OR8G1: variants seen among roughly 807,000 people sequenced by gnomAD.
OR8G1 encodes olfactory receptor 8G1.
For synonymous variants in OR8G1, 129 were observed against 133.3 expected, an observed-to-expected ratio of 0.97 and a Z score of 0.22; for missense variants, 372 against 356.2, an observed-to-expected ratio of 1.04 and a Z score of -0.36.
At chr11:124,246,907 T>G (rs936858816) in intron 1 of OR8G1, among the ~76,000 whole-genome samples, 1 of 150,112 alleles carries the variant, frequency 6.7e-6, no homozygotes, top group African/African-American at 2.4e-5. Context: ...TGATAACAAT[T>G]CACTTCTGTA....
chr11:124,243,838 G>T (rs1486017722), intron 1 of OR8G1, among the ~76,000 whole-genome samples: 1 of 151,884 alleles, frequency 6.6e-6, no homozygotes, highest in Non-Finnish European at 1.5e-5. Context: ...ATAAAAGAGC[G>T]AGCTAGAATA....
Position 124,250,262 on chromosome 11 carries a change from A to G in OR8G1, c.587A>G (p.Lys196Arg). 6.2e-7 allele frequency: 1 copy of G among 1,613,676 alleles called. No homozygotes were observed. The highest frequency in any genetic ancestry group is 8.5e-7 in the Non-Finnish European group (1 of 1,179,780). The change falls in exon 3 of 3, where the codon AAA becomes AGA. Residue 196 changes from lysine (K) to arginine (R), a missense_variant. By Grantham distance (26) the Lys-to-Arg change is conservative (BLOSUM62 2). Coordinates refer to ENST00000641972, the MANE Select transcript of OR8G1 (RefSeq NM_001002905.2). The part of the protein sequence containing the change: ...KLSCSSIYVN[K>R]LLILCVGAFN... ...TCTTGCTCTAGTATCTATGTCAACA[A>G]ACTACTTATTCTATGTGTTGGTGCA...
chr11:124,246,649 A>G (rs1424923875), intron 1 of OR8G1, among the ~76,000 whole-genome samples: 1 of 151,824 alleles, frequency 6.6e-6, no homozygotes. Flanking sequence ...AGAAAAATCT[A>G]AACAACATAA....
In OR8G1 at chr11:124,247,834, A is replaced by C. The variant is rs963127608; in HGVS notation, c.-63A>C. On this transcript the variant is annotated 5_prime_UTR_variant, in exon 2 of 3. Transcript: ENST00000641972. Reference sequence around the variant, plus strand: ...TCTTATGAATAAGGCTGTCATGAACATTTTTGTATAAATCTTCATGTAGAC... The same window carrying C: ...TCTTATGAATAAGGCTGTCATGAACCTTTTTGTATAAATCTTCATGTAGAC... 1.3e-5 allele frequency: 2 copies of C among 151,824 alleles called. No individual in the cohort carries two copies. The highest frequency in any genetic ancestry group is 2.9e-5 in the Non-Finnish European group (2 of 67,846). The allele number at this position is 151,824 out of a possible 1,614,324, so 9.4% of individuals were successfully genotyped here. A position where few individuals can be genotyped will look rare whatever the true frequency, so the allele number is the denominator to read the frequency against.
rs1031044004 is a variant in OR8G1, at chr11:124,252,486, GA to G, written c.*1880del. On this transcript the variant is annotated 3_prime_UTR_variant, in exon 3 of 3. Transcript: ENST00000641972. Reference sequence around the variant, plus strand: ...CATATCATCCTTATGTTCTCTTTCAGAAAAACTATCTCTTTTTCTTCTTAGC... The same window carrying G: ...CATATCATCCTTATGTTCTCTTTCAGAAAACTATCTCTTTTTCTTCTTAGC... The G allele has an allele frequency of 6.6e-6, 1 of 152,030 alleles. No homozygotes were observed. Among genetic ancestry groups the G allele is most frequent in the Non-Finnish European group, 1.5e-5 (1 of 68,002 alleles). 9.4% of individuals were successfully genotyped at this position (152,030 alleles called of 1,614,324 possible).
At chr11:124,245,194 G>A (rs529887788) in intron 1 of OR8G1, among the ~76,000 whole-genome samples, 2 of 136,486 alleles carry the variant, frequency 1.5e-5, no homozygotes, top group African/African-American at 5.4e-5. Flanking sequence ...TCTCCAAAGT[G>A]TGATGTTCCC....
At position 124,253,622 on chromosome 11, in the gene OR8G1, A is replaced by C. The variant is rs971145316; in HGVS notation, c.*3011A>C. The C allele has an allele frequency of 6.6e-5, 10 of 151,580 alleles. No individual in the cohort carries two copies. Among genetic ancestry groups the C allele is most frequent in the Non-Finnish European group, 1.3e-4 (9 of 67,932 alleles). 9.4% of individuals were successfully genotyped at this position (151,580 alleles called of 1,614,324 possible). A position where few individuals can be genotyped will look rare whatever the true frequency, so the allele number is the denominator to read the frequency against. On this transcript the variant is annotated 3_prime_UTR_variant, in exon 3 of 3. Transcript: ENST00000641972. The stretch of plus-strand genomic sequence containing the variant: ...TGTGTGGTGAGAACACTAATCCAAT[A>C]GATTTTTATTACTATAGTTACCATT...
intron 2 of OR8G1, 36 bp from the exon 3 acceptor site, chr11:124,249,624 T>C: frequency 6.5e-7 from 1 of 1,539,732 alleles, no homozygotes; most frequent in East Asian, 2.3e-5. Flanking sequence ...CCCACAACCA[T>C]GGGGTTTTTT....
chr11:124,250,315 A>C lies in OR8G1; in HGVS notation c.640A>C (p.Ile214Leu). ...AFNILVPSLTILCSYIFIIAS... is the reference protein window; with the variant it reads ...AFNILVPSLTLLCSYIFIIAS... ...TAACATCCTTGTCCCCAGCCTGACCATCCTTTGCTCTTACATCTTTATTAT... is the reference window on the plus strand; with the variant it reads ...TAACATCCTTGTCCCCAGCCTGACCCTCCTTTGCTCTTACATCTTTATTAT... Residue 214 changes from isoleucine to leucine, a missense_variant, in exon 3 of 3, where the codon ATC becomes CTC. Coordinates refer to ENST00000641972, the MANE Select transcript of OR8G1 (RefSeq NM_001002905.2). 1 of 1,613,742 alleles carries C rather than the reference A, an allele frequency of 6.2e-7. No homozygotes were observed. The highest frequency in any genetic ancestry group is 8.5e-7 in the Non-Finnish European group (1 of 1,179,784).
rs556378102 is a variant in OR8G1 at position 124,245,846 on chromosome 11, C to T, written c.-96-1955C>T. 1.4e-3 allele frequency among the ~76,000 whole-genome samples: 213 copies of T among 151,560 alleles called. 2 individuals carry two copies. The highest frequency in any genetic ancestry group is 4.9e-3 in the African/African-American group (202 of 41,206). ...AGTGTCTGTTCATGTCCTTCACCCA[C>T]TGTTTGATGGGGTTGTTTGTTTTTT... On this transcript the variant is annotated intron_variant, in intron 1 of 2. Coordinates refer to ENST00000641972, the MANE Select transcript of OR8G1 (RefSeq NM_001002905.2).
intron 2 of OR8G1, among the ~76,000 whole-genome samples, chr11:124,248,344 C>T (rs1383704764): frequency 6.6e-6 from 1 of 151,626 alleles, no homozygotes; most frequent in East Asian, 1.9e-4. Flanking sequence ...TGATGACATA[C>T]AAATTAAGTA....
chr11:124,246,814 G>T (rs1861815213), intron 1 of OR8G1, among the ~76,000 whole-genome samples: 1 of 149,418 alleles, frequency 6.7e-6, no homozygotes, highest in Non-Finnish European at 1.5e-5. Flanking sequence ...AATTCAGATT[G>T]TATTCATTGA....
intron 1 of OR8G1, among the ~76,000 whole-genome samples, chr11:124,245,584 G>A (rs1336180115): frequency 7.0e-6 from 1 of 142,268 alleles, no homozygotes; most frequent in Non-Finnish European, 1.5e-5. Flanking sequence ...CTGAGGAATG[G>A]CCACACTGAC....
rs532973732 is a variant in OR8G1 at position 124,241,624 on chromosome 11, C to G, written c.-97+260C>G. 3.9e-5 allele frequency among the ~76,000 whole-genome samples: 6 copies of G among 152,126 alleles called. No individual in the cohort carries two copies. The East Asian group carries it at 1.2e-3, about 29-fold the overall frequency. ...TGTCTGGAAATCAGAGTTTTTGGAG[C>G]TTACAGTAGGAAGATCAACTTAATT... On this transcript the variant is annotated intron_variant, in intron 1 of 2. Transcript: ENST00000641972.
In OR8G1 at chr11:124,252,378, A is replaced by G. The variant is rs193085703; in HGVS notation, c.*1767A>G. 1 of 152,302 alleles carries G rather than the reference A, an allele frequency of 6.6e-6. No individual in the cohort carries two copies. 9.4% of individuals were successfully genotyped at this position (152,302 alleles called of 1,614,324 possible). A position where few individuals can be genotyped will look rare whatever the true frequency, so the allele number is the denominator to read the frequency against. ...AAATTGCCAGGATCCGACTTAGAAA[A>G]AAATATATTTCTAAAAGCTAAGGGG... On this transcript the variant is annotated 3_prime_UTR_variant, in exon 3 of 3. Transcript: ENST00000641972.
chr11:124,246,687 A>G (rs1040609076), intron 1 of OR8G1, among the ~76,000 whole-genome samples: 13 of 151,848 alleles, frequency 8.6e-5, no homozygotes, highest in Non-Finnish European at 1.5e-4. Flanking sequence ...ATTGAAATAT[A>G]TAGATCACAT....
At chr11:124,246,337 T>A (rs115703523) in intron 1 of OR8G1, among the ~76,000 whole-genome samples, 2 of 151,992 alleles carry the variant, frequency 1.3e-5, no homozygotes, top group Non-Finnish European at 2.9e-5. Context: ...ATACTATTTT[T>A]AAATTTGTAT....
At chr11:124,248,404 G>C (rs967443761) in intron 2 of OR8G1, among the ~76,000 whole-genome samples, 3 of 150,654 alleles carry the variant, frequency 2.0e-5, no homozygotes, top group African/African-American at 7.3e-5. Flanking sequence ...ATGTGTGTCT[G>C]TGTGTGTGTG....
intron 1 of OR8G1, among the ~76,000 whole-genome samples, chr11:124,243,369 CAT>C (rs1433726504): frequency 3.3e-5 from 5 of 151,884 alleles, no homozygotes; most frequent in African/African-American, 2.4e-5. Flanking sequence ...ATAGTGATCA[CAT>C]GAGGACACAT....
Sources: gnomAD v4.1 joint callset for allele counts (sites outside exome capture counted in the v4.1 genomes callset) on GRCh38, gnomAD v4.1.1 for gene constraint, MANE v1.5 for transcripts, NCBI Gene and HGNC (gene_info 2026-07-23, HGNC 2026-07-21) for gene names.